Variants in RGS6 observed in about 807,000 individuals in gnomAD.
RGS6 encodes regulator of G-protein signaling 6.
In RGS6, 30 loss-of-function variants were observed where a neutral mutation model predicts 78.5. The ratio of observed to expected loss-of-function variants is 0.38; its 90% CI spans 0.29 to 0.52. The LOEUF is 0.52. RGS6 is among the 20% of genes least tolerant of loss of function. The pLI is 0.85. For synonymous variants in RGS6, 206 were observed against 206.0 expected, an observed-to-expected ratio of 1.00 and a Z score of 0.00; for missense variants, 495 against 609.7, an observed-to-expected ratio of 0.81 and a Z score of 1.98.
chr14:72,246,465 A>T (rs1045157190), intron 2 of RGS6, among the ~76,000 whole-genome samples: 1 of 152,168 alleles, frequency 6.6e-6, no homozygotes, highest in Non-Finnish European at 1.5e-5. Context: ...TAAATACTTA[A>T]ATGTAATTAA....
chr14:71,951,016 A>G (rs2092260853), intron 1 of RGS6, among the ~76,000 whole-genome samples: 1 of 152,144 alleles, frequency 6.6e-6, no homozygotes. Flanking sequence ...TCAAAGACCT[A>G]GAGGCAGAAA....
At chr14:72,290,513 T>C (rs1414128653) in intron 2 of RGS6, among the ~76,000 whole-genome samples, 1 of 152,106 alleles carries the variant, frequency 6.6e-6, no homozygotes, top group Non-Finnish European at 1.5e-5. Flanking sequence ...TCGAAATGGG[T>C]CCTTGGTGAG....
At chr14:72,519,017 TATGTG>T (rs1302099246) in intron 15 of RGS6, among the ~76,000 whole-genome samples, 1 of 152,214 alleles carries the variant, frequency 6.6e-6, no homozygotes, top group East Asian at 1.9e-4. Flanking sequence ...GGCTCTGCGC[TATGTG>T]ATAAGATACC....
chr14:72,306,298 C>T (rs542654855), intron 2 of RGS6, among the ~76,000 whole-genome samples: 1 of 152,288 alleles, frequency 6.6e-6, no homozygotes, highest in Non-Finnish European at 1.5e-5. Context: ...CACACAAGAG[C>T]CTTATGAAGA....
At chr14:71,993,448 A>C (rs1400409393) in intron 2 of RGS6, among the ~76,000 whole-genome samples, 1 of 152,232 alleles carries the variant, frequency 6.6e-6, no homozygotes, top group Non-Finnish European at 1.5e-5. Context: ...CTATCTATTG[A>C]TCCCTTACTG....
rs113776493 is a variant in RGS6, at chr14:72,378,018, C to G, written c.184+25824C>G. 2.6e-3 allele frequency among the ~76,000 whole-genome samples: 389 copies of G among 152,190 alleles called. 2 individuals are homozygous for G. Among genetic ancestry groups the G allele is most frequent in the African/African-American group, 9.1e-3 (377 of 41,510 alleles). On this transcript the variant is annotated intron_variant, in intron 3 of 17. Coordinates refer to ENST00000553525, the MANE Select transcript of RGS6 (RefSeq NM_001204424.2). Reference sequence around the variant, plus strand: ...ATTGAAATTTTATCAAGTATTTAATCTGACCGCAATGGAATAAAACTGGAT... The same window carrying G: ...ATTGAAATTTTATCAAGTATTTAATGTGACCGCAATGGAATAAAACTGGAT...
intron 17 of RGS6, among the ~76,000 whole-genome samples, chr14:72,549,863 A>T (rs1044321983): frequency 6.6e-6 from 1 of 152,090 alleles, no homozygotes; most frequent in Admixed American, 6.5e-5. Context: ...CTCCATCCCC[A>T]TCCCACAAAA....
At chr14:71,875,283 T>A in the RGS6 span, among the ~76,000 whole-genome samples, 1 of 152,174 alleles carries the variant, frequency 6.6e-6, no homozygotes, top group African/African-American at 2.4e-5. Flanking sequence ...CTGGACTTTT[T>A]TTGGTTGGTA....
intron 2 of RGS6, among the ~76,000 whole-genome samples, chr14:72,116,518 C>G (rs1247605467): frequency 6.6e-6 from 1 of 151,412 alleles, no homozygotes; most frequent in Non-Finnish European, 1.5e-5. Flanking sequence ...TCTCTTCATC[C>G]CCATCCCCGC....
intron 1 of RGS6, among the ~76,000 whole-genome samples, chr14:71,936,852 T>G (rs570031131): frequency 6.6e-6 from 1 of 152,364 alleles, no homozygotes; most frequent in East Asian, 1.9e-4. Context: ...GCTGGTCACA[T>G]GGTCGTAGCT....
chr14:72,028,291 C>CA (rs2090259866), intron 2 of RGS6, among the ~76,000 whole-genome samples: 1 of 152,230 alleles, frequency 6.6e-6, no homozygotes, highest in African/African-American at 2.4e-5. Context: ...GGTTTGCAGA[C>CA]ACCCTCTCCT....
At chr14:72,479,139 A>AG (rs2096310469) in intron 12 of RGS6, among the ~76,000 whole-genome samples, 1 of 152,190 alleles carries the variant, frequency 6.6e-6, no homozygotes, top group African/African-American at 2.4e-5. Context: ...CAGCTCCTAC[A>AG]GGGGGCTGGC....
the RGS6 span, among the ~76,000 whole-genome samples, chr14:72,588,615 T>G: frequency 2.9e-3 from 438 of 152,308 alleles, 2 homozygotes; most frequent in African/African-American, 0.01. Flanking sequence ...GGTCTGGCAA[T>G]TCTTTTGTTG....
At chr14:71,993,267 G>A (rs1219034630) in intron 2 of RGS6, among the ~76,000 whole-genome samples, 2 of 152,070 alleles carry the variant, frequency 1.3e-5, no homozygotes, top group Non-Finnish European at 2.9e-5. Flanking sequence ...TGTGGCCATG[G>A]CAACACATCT....
At position 72,168,336 on chromosome 14, in the gene RGS6, G is replaced by A. The variant is rs999874706; in HGVS notation, c.85-183759G>A. ...TCTACCATTAGGAATGTAGGCTCAGGAAAGGCTCCTTCAGGCCCTGAGAGT... is the reference window on the plus strand; with the variant it reads ...TCTACCATTAGGAATGTAGGCTCAGAAAAGGCTCCTTCAGGCCCTGAGAGT... On this transcript the variant is annotated intron_variant, in intron 2 of 17. Transcript: ENST00000553525. Among the ~76,000 whole-genome samples the A allele has an allele frequency of 5.3e-5, 8 of 152,252 alleles. No individual in the cohort carries two copies. The South Asian group carries it at 1.7e-3, about 32-fold the overall frequency.
At chr14:72,179,395 A>G (rs1024037855) in intron 2 of RGS6, among the ~76,000 whole-genome samples, 1 of 152,184 alleles carries the variant, frequency 6.6e-6, no homozygotes, top group African/African-American at 2.4e-5. Flanking sequence ...AGCACCGCTC[A>G]GTTTATAATA....
intron 3 of RGS6, among the ~76,000 whole-genome samples, chr14:72,418,854 C>T (rs73294955): frequency 0.011 from 1,616 of 152,322 alleles, 27 homozygotes; most frequent in African/African-American, 0.034. Flanking sequence ...GCAAGGCTGG[C>T]GCCTGGGCAG....
chr14:72,413,519 C>G (rs1270496832), intron 3 of RGS6, among the ~76,000 whole-genome samples: 2 of 152,116 alleles, frequency 1.3e-5, no homozygotes, highest in African/African-American at 4.8e-5. Flanking sequence ...TGACTCTATC[C>G]AATTTGCCAG....
intron 2 of RGS6, among the ~76,000 whole-genome samples, chr14:72,136,268 C>G (rs2096438434): frequency 6.6e-6 from 1 of 152,022 alleles, no homozygotes; most frequent in Admixed American, 6.6e-5. Context: ...AAAGAAGGAA[C>G]TGAGACTGTT....
Sources: allele counts gnomAD v4.1 joint callset (sites outside exome capture counted in the v4.1 genomes callset), GRCh38; gene constraint gnomAD v4.1.1; transcripts MANE v1.5; gene names NCBI Gene and HGNC (gene_info 2026-07-23, HGNC 2026-07-21).